LPXN: variants seen among roughly 807,000 people sequenced by gnomAD.
LPXN encodes the protein leupaxin.
A neutral mutation model predicts 45.6 loss-of-function variants in LPXN; 28 were observed. That is an observed-to-expected ratio of 0.61 (90% CI 0.45 to 0.84). The LOEUF is 0.84. Ranked by LOEUF, LPXN falls within the 40% of genes least tolerant of loss-of-function variation. LPXN has a pLI of 0.00. For synonymous variants in LPXN, 166 were observed against 169.9 expected, an observed-to-expected ratio of 0.98 and a Z score of 0.18; for missense variants, 459 against 475.0, an observed-to-expected ratio of 0.97 and a Z score of 0.31.
rs761341350 is a variant in LPXN at position 58,527,994 on chromosome 11, GAGA to G, written c.891+46_891+48del. 18 of 1,583,526 alleles carry G rather than the reference GAGA, an allele frequency of 1.1e-5. No homozygotes were observed. The Admixed American group carries it at 1.2e-4, about 11-fold the overall frequency. Reference sequence around the variant, plus strand: ...AACTGCAGCTCTTCCTCTCAGAGAGGAGAACCCTTGACTTTCCCTAAGTCCGAA... The same window carrying G: ...AACTGCAGCTCTTCCTCTCAGAGAGGACCCTTGACTTTCCCTAAGTCCGAA... On this transcript the variant is annotated intron_variant, in intron 8 of 8. Transcript: ENST00000395074.
chr11:58,541,379 G>T (rs1853716759), intron 7 of LPXN, among the ~76,000 whole-genome samples: 2 of 152,210 alleles, frequency 1.3e-5, no homozygotes, highest in South Asian at 2.1e-4. Flanking sequence ...AGTGGGCAAA[G>T]GATATGAACA....
In LPXN at chr11:58,538,524, T is replaced by C. The variant is rs61675913; in HGVS notation, c.743-10333A>G. Among the ~76,000 whole-genome samples the C allele has an allele frequency of 4.8e-3, 731 of 152,250 alleles. 8 individuals are homozygous for C. The highest frequency in any genetic ancestry group is 0.016 in the African/African-American group (669 of 41,536). On this transcript the variant is annotated intron_variant, in intron 7 of 8. Transcript: ENST00000395074. ...TGATTTGCATTTCTCTGATGGCCAG[T>C]GATGGTGAGCATTTTTTCATGTGTT...
At chr11:58,573,110 C>T (rs1052839189) in intron 1 of LPXN, among the ~76,000 whole-genome samples, 7 of 151,762 alleles carry the variant, frequency 4.6e-5, no homozygotes, top group Admixed American at 1.3e-4. Context: ...CCAGGCATGG[C>T]GGCACATGTC....
At chr11:58,537,405 A>T (rs1283949445) in intron 7 of LPXN, among the ~76,000 whole-genome samples, 1 of 152,068 alleles carries the variant, frequency 6.6e-6, no homozygotes, top group Non-Finnish European at 1.5e-5. Flanking sequence ...GCAAACTAAC[A>T]CAGGAACAGA....
At chr11:58,543,658 C>T (rs1330992809) in intron 7 of LPXN, among the ~76,000 whole-genome samples, 1 of 151,864 alleles carries the variant, frequency 6.6e-6, no homozygotes, top group Non-Finnish European at 1.5e-5. Flanking sequence ...AAATCTAGGC[C>T]TAACTTCAAA....
chr11:58,560,842 T>C (rs1854352366), intron 3 of LPXN, among the ~76,000 whole-genome samples: 1 of 152,238 alleles, frequency 6.6e-6, no homozygotes, highest in Non-Finnish European at 1.5e-5. Context: ...TTAAAGGCTA[T>C]ATATTTTCAA....
chr11:58,536,181 A>G (rs1853548184), intron 7 of LPXN, among the ~76,000 whole-genome samples: 1 of 152,236 alleles, frequency 6.6e-6, no homozygotes, highest in Admixed American at 6.5e-5. Context: ...TATGGAACCA[A>G]AATAGAGCCT....
Position 58,570,584 on chromosome 11 carries a change from GA to G in LPXN, c.142del (p.Ser48LeufsTer53). 6.2e-7 allele frequency: 1 copy of G among 1,613,092 alleles called. No individual in the cohort carries two copies. The highest frequency in any genetic ancestry group is 1.1e-5 in the South Asian group (1 of 91,022). ...TNLDETSEIL[S>X]IQDNTSPLPA... ...CAAGGGACTTGTGTTATCCTGAATA[GA>G]AAGGATCTCCGAAGTCTCATCAAGG... On this transcript the variant is annotated frameshift_variant, in exon 2 of 9. Transcript: ENST00000395074. LOFTEE classifies it high-confidence loss of function.
At chr11:58,570,311 A>AAAAAAAAAT (rs1186503959) in intron 2 of LPXN, among the ~76,000 whole-genome samples, 12 of 150,250 alleles carry the variant, frequency 8.0e-5, no homozygotes, top group East Asian at 3.9e-4. Flanking sequence ...TCAAAAAATA[A>AAAAAAAAAT]AAAAAAAATA....
At chr11:58,532,478 G>T (rs1189880301) in intron 7 of LPXN, among the ~76,000 whole-genome samples, 8 of 152,238 alleles carry the variant, frequency 5.3e-5, no homozygotes, top group Non-Finnish European at 1.2e-4. Flanking sequence ...AGCACTCTGT[G>T]TCTGGCTCAG....
chr11:58,527,327 G>T lies in LPXN; in HGVS notation c.*127C>A. The T allele has an allele frequency of 2.2e-6, 2 of 903,408 alleles. No homozygotes were observed. The highest frequency in any genetic ancestry group is 3.4e-6 in the Non-Finnish European group (2 of 590,008). The allele number at this position is 903,408 out of a possible 1,614,324, so 56.0% of individuals were successfully genotyped here. A position where few individuals can be genotyped will look rare whatever the true frequency, so the allele number is the denominator to read the frequency against. Reference sequence around the variant, plus strand: ...GTAAAGTCTAGAAGTTCCTTTATTTGCTCATCACCTTTCCTTTTTCTATAA... The same window carrying T: ...GTAAAGTCTAGAAGTTCCTTTATTTTCTCATCACCTTTCCTTTTTCTATAA... On this transcript the variant is annotated 3_prime_UTR_variant, in exon 9 of 9. Transcript: ENST00000395074.
At chr11:58,566,495 T>C (rs942103386) in intron 2 of LPXN, among the ~76,000 whole-genome samples, 3 of 152,254 alleles carry the variant, frequency 2.0e-5, no homozygotes, top group African/African-American at 7.2e-5. Flanking sequence ...ATCTAGATAC[T>C]GCAAAATCAT....
chr11:58,534,833 G>A (rs111981834), intron 7 of LPXN, among the ~76,000 whole-genome samples: 3,853 of 152,078 alleles, frequency 0.025, 66 homozygotes, highest in African/African-American at 0.031. Context: ...AATGATAAAG[G>A]GGTTATCACT....
At chr11:58,529,595 G>A (rs1158268881) in intron 7 of LPXN, among the ~76,000 whole-genome samples, 3 of 141,648 alleles carry the variant, frequency 2.1e-5, no homozygotes, top group Admixed American at 7.2e-5. Context: ...GGGAGATAGT[G>A]AGACTCTGTC....
intron 4 of LPXN, among the ~76,000 whole-genome samples, chr11:58,553,003 C>T (rs1459933892): frequency 6.6e-6 from 1 of 152,070 alleles, no homozygotes; most frequent in Non-Finnish European, 1.5e-5. Flanking sequence ...GCTTTTTGCA[C>T]TTTTGATTTG....
chr11:58,550,715 A>C (rs1433929138), intron 5 of LPXN, among the ~76,000 whole-genome samples: 1 of 152,220 alleles, frequency 6.6e-6, no homozygotes, highest in Non-Finnish European at 1.5e-5. Flanking sequence ...AGGTCATCTC[A>C]GTAAAGGCAG....
At chr11:58,567,669 G>A (rs1228581753) in intron 2 of LPXN, among the ~76,000 whole-genome samples, 3 of 152,200 alleles carry the variant, frequency 2.0e-5, no homozygotes, top group African/African-American at 4.8e-5. Flanking sequence ...AGATGCCAAA[G>A]CTGCTTCACC....
upstream of LPXN, chr11:58,575,938 A>G: frequency 7.1e-7 from 1 of 1,414,634 alleles, no homozygotes; most frequent in Non-Finnish European, 9.2e-7. Context: ...TGATTTGGTG[A>G]GCTTTTTTTT....
chr11:58,568,008 A>G (rs949948081), intron 2 of LPXN, among the ~76,000 whole-genome samples: 1 of 152,208 alleles, frequency 6.6e-6, no homozygotes, highest in African/African-American at 2.4e-5. Context: ...ACATTAAGCC[A>G]CAATTTCTCC....
Sources: allele counts gnomAD v4.1 joint callset (sites outside exome capture counted in the v4.1 genomes callset), GRCh38; gene constraint gnomAD v4.1.1; transcripts MANE v1.5; gene names NCBI Gene and HGNC (gene_info 2026-07-23, HGNC 2026-07-21).